Variants in GRM5 observed in about 807,000 individuals in gnomAD.
GRM5 encodes the protein metabotropic glutamate receptor 5.
GRM5 carries 19 observed loss-of-function variants against 83.1 expected under a neutral mutation model. That is an observed-to-expected ratio of 0.23 (90% CI 0.16 to 0.34). The LOEUF (loss-of-function observed/expected upper bound fraction) is 0.34. GRM5 is among the 10% of genes least tolerant of loss of function. GRM5 has a pLI of 1.00. For synonymous variants in GRM5, 675 were observed against 633.6 expected, an observed-to-expected ratio of 1.07 and a Z score of -0.98; for missense variants, 1,160 against 1,588.3, an observed-to-expected ratio of 0.73 and a Z score of 4.58.
Position 88,508,510 on chromosome 11 carries a change from G to A in GRM5, c.*82C>T. The A allele has an allele frequency of 8.6e-7, 1 of 1,162,384 alleles. No homozygotes were observed. Among genetic ancestry groups the A allele is most frequent in the South Asian group, 1.4e-5 (1 of 71,972 alleles). The allele number at this position is 1,162,384 out of a possible 1,614,324, so 72.0% of individuals were successfully genotyped here. Reference sequence around the variant, plus strand: ...CATCTTCCCCCTGGGCCGTAACCAGGCGACTATGCTTGCCATTGTGTGTGT... The same window carrying A: ...CATCTTCCCCCTGGGCCGTAACCAGACGACTATGCTTGCCATTGTGTGTGT... On this transcript the variant is annotated 3_prime_UTR_variant, in exon 10 of 10. Coordinates refer to ENST00000305447, the MANE Select transcript of GRM5 (RefSeq NM_001143831.3). The surrounding 1 kb of genome is among the most constrained non-coding windows in gnomAD (Gnocchi z 4.2).
At chr11:88,690,556 C>T (rs961275362) in intron 3 of GRM5, among the ~76,000 whole-genome samples, 2 of 152,082 alleles carry the variant, frequency 1.3e-5, no homozygotes, top group Non-Finnish European at 2.9e-5. Context: ...TCCTAAGGAT[C>T]ATCATAATTT....
intron 3 of GRM5, among the ~76,000 whole-genome samples, chr11:88,717,015 G>A (rs538989364): frequency 6.6e-6 from 1 of 152,044 alleles, no homozygotes; most frequent in South Asian, 2.1e-4. Flanking sequence ...CCTGTTGCTT[G>A]TACTTCCAAT....
intron 3 of GRM5, among the ~76,000 whole-genome samples, chr11:88,758,703 G>A (rs1323931096): frequency 6.6e-6 from 1 of 152,118 alleles, no homozygotes; most frequent in African/African-American, 2.4e-5. Context: ...TTACAACCTA[G>A]CCAGAGAGGC....
chr11:88,825,559 A>C (rs1565249203), intron 3 of GRM5, among the ~76,000 whole-genome samples: 1 of 152,218 alleles, frequency 6.6e-6, no homozygotes. Context: ...TTTGACATAC[A>C]GTGTGGGTGT....
At chr11:89,057,910 G>C (rs1055413692) in intron 1 of GRM5, among the ~76,000 whole-genome samples, 2 of 152,050 alleles carry the variant, frequency 1.3e-5, no homozygotes, top group Non-Finnish European at 2.9e-5. Flanking sequence ...CAATAACCCT[G>C]TAAGGTAGGT....
At chr11:88,998,816 T>C (rs1252269783) in intron 2 of GRM5, among the ~76,000 whole-genome samples, 1 of 152,132 alleles carries the variant, frequency 6.6e-6, no homozygotes, top group Non-Finnish European at 1.5e-5. Context: ...AAATAAAAAA[T>C]TACCATTTAC....
In GRM5 at chr11:88,752,314, C is replaced by T. The variant is rs549652854; in HGVS notation, c.911+97592G>A. On this transcript the variant is annotated intron_variant, in intron 3 of 9. Coordinates refer to ENST00000305447, the MANE Select transcript of GRM5 (RefSeq NM_001143831.3). ...AGCATTCATATATACCAACAACAGG[C>T]GAGCCAGAAGCCAATCATGAATGAA... 1.3e-4 allele frequency among the ~76,000 whole-genome samples: 19 copies of T among 151,988 alleles called. No homozygotes were observed. The South Asian group carries it at 1.5e-3, about 12-fold the overall frequency.
chr11:88,950,795 ATTG>A (rs1378604040), intron 2 of GRM5, among the ~76,000 whole-genome samples: 1 of 152,220 alleles, frequency 6.6e-6, no homozygotes, highest in African/African-American at 2.4e-5. Flanking sequence ...AACCAGTTTT[ATTG>A]TTATCATTGA....
intron 2 of GRM5, among the ~76,000 whole-genome samples, chr11:88,985,054 A>T (rs562353421): frequency 2.0e-5 from 3 of 152,178 alleles, no homozygotes; most frequent in African/African-American, 7.2e-5. Flanking sequence ...ACAGTCTAAG[A>T]AATAAATACA....
At chr11:88,636,539 TTCTG>T (rs957970119) in intron 4 of GRM5, among the ~76,000 whole-genome samples, 16 of 152,066 alleles carry the variant, frequency 1.1e-4, no homozygotes, top group Admixed American at 1.3e-4. Context: ...AAAAAAGAGT[TTCTG>T]TCTATTTTTA....
chr11:88,630,011 A>G (rs1009498743), intron 4 of GRM5, among the ~76,000 whole-genome samples: 3 of 151,978 alleles, frequency 2.0e-5, no homozygotes, highest in Non-Finnish European at 4.4e-5. Flanking sequence ...TTCCTTACCT[A>G]TGACAGTTCC....
At chr11:88,986,727 C>CTTT (rs60281684) in intron 2 of GRM5, among the ~76,000 whole-genome samples, 2,480 of 93,004 alleles carry the variant, frequency 0.027, 223 homozygotes, top group African/African-American at 0.084. Context: ...TTTATTTTTG[C>CTTT]TTTTTTTTTT....
chr11:88,876,965 C>T (rs182647885), intron 2 of GRM5, among the ~76,000 whole-genome samples: 1 of 152,074 alleles, frequency 6.6e-6, no homozygotes, highest in African/African-American at 2.4e-5. Flanking sequence ...AAGTCACGCA[C>T]CTAAGGCCTA....
chr11:88,830,174 A>G (rs917316961), intron 3 of GRM5, among the ~76,000 whole-genome samples: 1 of 152,114 alleles, frequency 6.6e-6, no homozygotes, highest in Non-Finnish European at 1.5e-5. Flanking sequence ...CTACATGTTA[A>G]AAAGGATGAA....
intron 2 of GRM5, among the ~76,000 whole-genome samples, chr11:88,951,076 A>AGT (rs10588925): frequency 3.2e-4 from 49 of 151,296 alleles, no homozygotes; most frequent in African/African-American, 8.3e-4. Context: ...GGCAGATTAG[A>AGT]GTGTGTGTGT....
At chr11:88,528,936 T>G (rs1265444518) in intron 8 of GRM5, among the ~76,000 whole-genome samples, 1 of 152,098 alleles carries the variant, frequency 6.6e-6, no homozygotes, top group Non-Finnish European at 1.5e-5. Context: ...GTTTCTCTGA[T>G]TCTAAAGCTC....
intron 3 of GRM5, among the ~76,000 whole-genome samples, chr11:88,817,355 A>G (rs1288265131): frequency 1.3e-5 from 2 of 151,362 alleles, no homozygotes; most frequent in East Asian, 1.9e-4. Context: ...TTTTTTTTCT[A>G]TTGATTATTT....
At chr11:88,821,687 G>A (rs541366347) in intron 3 of GRM5, among the ~76,000 whole-genome samples, 9 of 152,172 alleles carry the variant, frequency 5.9e-5, no homozygotes, top group African/African-American at 1.7e-4. Flanking sequence ...AATTCCCCCT[G>A]CTTGAAATCT....
At chr11:88,694,481 A>G (rs1309816602) in intron 3 of GRM5, among the ~76,000 whole-genome samples, 1 of 152,154 alleles carries the variant, frequency 6.6e-6, no homozygotes, top group Non-Finnish European at 1.5e-5. Context: ...AATGAAGACT[A>G]CCAAAGGGGA....
Sources: allele counts gnomAD v4.1 joint callset (sites outside exome capture counted in the v4.1 genomes callset), GRCh38; gene constraint gnomAD v4.1.1; non-coding constraint Gnocchi (gnomAD v3.1); transcripts MANE v1.5; gene names NCBI Gene and HGNC (gene_info 2026-07-23, HGNC 2026-07-21).